Variants in COBL observed in about 807,000 individuals in gnomAD.
COBL encodes protein cordon-bleu.
Under a neutral mutation model 98.8 loss-of-function variants are expected in COBL, and 51 were observed. The observed-to-expected ratio is 0.52, with a 90% CI of 0.41 to 0.65. The LOEUF (loss-of-function observed/expected upper bound fraction) is 0.65, where lower values mean the gene tolerates loss of function less well. Among genes scored for constraint, COBL ranks in the 30% least tolerant of loss-of-function variants. The pLI is 0.00. For synonymous variants in COBL, 634 were observed against 651.7 expected (o/e 0.97, Z 0.41); for missense variants, 1,617 against 1,617.5 (o/e 1.00, Z 0.01).
chr7:51,301,910 A>G (rs927602339), intron 1 of COBL, among the ~76,000 whole-genome samples: 4 of 152,008 alleles, frequency 2.6e-5, no homozygotes, highest in African/African-American at 9.7e-5. Context: ...TTTACATTTT[A>G]TCTAGTTTTC....
chr7:51,222,940 T>C (rs1286730013), intron 1 of COBL, among the ~76,000 whole-genome samples: 3 of 152,066 alleles, frequency 2.0e-5, no homozygotes, highest in South Asian at 4.1e-4. Context: ...GAGGCACCCT[T>C]GTAATAGAAT....
intron 6 of COBL, among the ~76,000 whole-genome samples, chr7:51,106,273 T>C (rs1488976104): frequency 2.0e-5 from 3 of 151,920 alleles, no homozygotes; most frequent in Non-Finnish European, 4.4e-5. Flanking sequence ...TTCTGAACCT[T>C]ACATGTTCCT....
At chr7:51,184,278 A>G in intron 4 of COBL, 79 bp from the exon 5 acceptor site, 2 of 770,960 alleles carry the variant, frequency 2.6e-6, no homozygotes, top group Non-Finnish European at 4.1e-6. Context: ...ATCTTAATAA[A>G]TGAATCCTCT....
chr7:51,113,729 A>C (rs1797035920), intron 6 of COBL, among the ~76,000 whole-genome samples: 1 of 152,248 alleles, frequency 6.6e-6, no homozygotes, highest in Non-Finnish European at 1.5e-5. Flanking sequence ...TCCATATCAG[A>C]AATGTGTTAT....
At chr7:51,108,241 G>C (rs1489211130) in intron 6 of COBL, among the ~76,000 whole-genome samples, 1 of 152,204 alleles carries the variant, frequency 6.6e-6, no homozygotes, top group African/African-American at 2.4e-5. Context: ...GGCATGAGTG[G>C]AGGCTGGCTC....
intron 6 of COBL, among the ~76,000 whole-genome samples, chr7:51,121,168 C>T (rs1001541356): frequency 6.6e-6 from 1 of 152,178 alleles, no homozygotes; most frequent in East Asian, 1.9e-4. Context: ...TCTCTACATC[C>T]CCGCCAACGC....
At chr7:51,118,027 T>C (rs534184498) in intron 6 of COBL, among the ~76,000 whole-genome samples, 1 of 152,290 alleles carries the variant, frequency 6.6e-6, no homozygotes, top group East Asian at 1.9e-4. Flanking sequence ...CCACAGAATT[T>C]ATGGCTGTCC....
At position 51,198,752 on chromosome 7, in the gene COBL, G is replaced by A. The variant is rs112176094; in HGVS notation, c.246-5163C>T. The stretch of plus-strand genomic sequence containing the variant: ...AGGGCACTGGTAAACACACAGGTGC[G>A]AGTGACATCAGTAAGACAGTAGAAC... On this transcript the variant is annotated intron_variant, in intron 2 of 12. Coordinates refer to ENST00000265136, the MANE Select transcript of COBL (RefSeq NM_015198.5). Among the ~76,000 whole-genome samples, 1,410 of 152,280 alleles carry A rather than the reference G, an allele frequency of 9.3e-3. 19 individuals are homozygous for A. The highest frequency in any genetic ancestry group is 0.032 in the African/African-American group (1,330 of 41,548).
At chr7:51,237,605 T>C (rs1382054899) in intron 1 of COBL, among the ~76,000 whole-genome samples, 1 of 150,766 alleles carries the variant, frequency 6.6e-6, no homozygotes, top group Non-Finnish European at 1.5e-5. Context: ...TATGTCTACA[T>C]TTTTGCCACT....
At chr7:51,313,553 A>C (rs183959245) in intron 1 of COBL, among the ~76,000 whole-genome samples, 1 of 152,172 alleles carries the variant, frequency 6.6e-6, no homozygotes, top group Admixed American at 6.5e-5. Context: ...GCTTGAATAC[A>C]GCCATTGATC....
chr7:51,051,941 A>T (rs1438824389), intron 7 of COBL, among the ~76,000 whole-genome samples: 1 of 152,200 alleles, frequency 6.6e-6, no homozygotes, highest in Admixed American at 6.5e-5. Context: ...CCAATAGTTA[A>T]ACAGGATTCC....
rs1022705502 is a variant in COBL at position 51,183,500 on chromosome 7, CTTAA to C, written c.783+598_783+601del. ...TTCATTTTTATTCTGGGTACTATGACTTAATTACTCTAGAATACTGTATCCAAAA... is the reference window on the plus strand; with the variant it reads ...TTCATTTTTATTCTGGGTACTATGACTTACTCTAGAATACTGTATCCAAAA... On this transcript the variant is annotated intron_variant, in intron 5 of 12. Transcript: ENST00000265136. 2.3e-4 allele frequency among the ~76,000 whole-genome samples: 35 copies of C among 152,040 alleles called. 1 individual carries two copies. Among genetic ancestry groups the C allele is most frequent in the African/African-American group, 7.5e-4 (31 of 41,384 alleles).
At position 51,029,043 on chromosome 7, in the gene COBL, G is replaced by A; in HGVS notation, c.2053C>T (p.Pro685Ser). The A allele has an allele frequency of 6.2e-7, 1 of 1,614,180 alleles. No individual in the cohort carries two copies. Reference protein sequence around the residue: ...DSNDKNAALAPTSWHQRGQNP... With the variant: ...DSNDKNAALASTSWHQRGQNP... Reference sequence around the variant, plus strand: ...TGGCCTCGTTGGTGCCATGATGTTGGTGCCAAGGCAGCGTTTTTATCGTTG... The same window carrying A: ...TGGCCTCGTTGGTGCCATGATGTTGATGCCAAGGCAGCGTTTTTATCGTTG... Residue 685 changes from proline (P) to serine (S), a missense_variant, in exon 10 of 13, where the codon CCA becomes TCA. Transcript: ENST00000265136.
At chr7:51,316,414 CGCACCACCACCCA>C (rs1313455323) in intron 1 of COBL, 166 bp downstream of exon 1, 1 of 398,648 alleles carries the variant, frequency 2.5e-6, no homozygotes, top group Non-Finnish European at 4.1e-6. Flanking sequence ...GTACACAGCA[CGCACCACCACCCA>C]ACACCAGCAC....
intron 1 of COBL, among the ~76,000 whole-genome samples, chr7:51,313,449 T>C (rs1803248714): frequency 2.0e-5 from 3 of 152,234 alleles, no homozygotes; most frequent in Non-Finnish European, 1.5e-5. Flanking sequence ...TATAAATTTA[T>C]GCAAAGAAAT....
chr7:51,201,494 CAAT>C (rs1242254455), intron 2 of COBL, among the ~76,000 whole-genome samples: 1 of 152,036 alleles, frequency 6.6e-6, no homozygotes, highest in Admixed American at 6.6e-5. Context: ...GACAGCAATA[CAAT>C]AATAATACAA....
chr7:51,185,605 G>T (rs1789416671), intron 4 of COBL, among the ~76,000 whole-genome samples: 1 of 152,212 alleles, frequency 6.6e-6, no homozygotes. Context: ...CAAGAAGAAG[G>T]AAAGTGGAGG....
intron 6 of COBL, among the ~76,000 whole-genome samples, chr7:51,097,969 A>G (rs1795436554): frequency 6.7e-6 from 1 of 148,406 alleles, no homozygotes; most frequent in Non-Finnish European, 1.5e-5. Context: ...GATTGCAGTG[A>G]GCCAAGATTG....
Position 51,017,394 on chromosome 7 carries a change from C to T in COBL, c.*157G>A, listed in dbSNP as rs1214623186. 6 of 714,562 alleles carry T rather than the reference C, an allele frequency of 8.4e-6. No homozygotes were observed. Among genetic ancestry groups the T allele is most frequent in the Admixed American group, 2.1e-5 (1 of 46,864 alleles). 44.3% of individuals were successfully genotyped at this position (714,562 alleles called of 1,614,324 possible). The stretch of plus-strand genomic sequence containing the variant: ...AGCATCTTCTCCTTTCCTTTCAAGC[C>T]GTTATACAGGAACACACCGAAAATC... On this transcript the variant is annotated 3_prime_UTR_variant, in exon 13 of 13. Transcript: ENST00000265136.
Sources: gnomAD v4.1 joint callset for allele counts (sites outside exome capture counted in the v4.1 genomes callset) on GRCh38, gnomAD v4.1.1 for gene constraint, MANE v1.5 for transcripts, NCBI Gene and HGNC (gene_info 2026-07-23, HGNC 2026-07-21) for gene names.